The following MKRN1 variants were observed in gnomAD, a reference collection of about 807,000 sequenced individuals.
The protein encoded by MKRN1 is E3 ubiquitin-protein ligase makorin-1.
In MKRN1, 9 loss-of-function variants were observed where a neutral mutation model predicts 55.5. The ratio of observed to expected loss-of-function variants is 0.16; its 90% confidence interval spans 0.10 to 0.28. MKRN1 has a LOEUF of 0.28. Among genes scored for constraint, MKRN1 ranks in the 10% least tolerant of loss-of-function variants. MKRN1 has a pLI of 1.00. For synonymous variants in MKRN1, 253 were observed against 235.9 expected, an observed-to-expected ratio of 1.07 and a Z score of -0.66; for missense variants, 488 against 626.7, an observed-to-expected ratio of 0.78 and a Z score of 2.36.
At chr7:140,474,230 G>T (rs993006896) in intron 1 of MKRN1, among the ~76,000 whole-genome samples, 3 of 151,998 alleles carry the variant, frequency 2.0e-5, no homozygotes, top group Non-Finnish European at 2.9e-5. Flanking sequence ...AGGTGCGGTG[G>T]CTCACACCTG....
intron 2 of MKRN1, among the ~76,000 whole-genome samples, chr7:140,467,110 T>C (rs1461203039): frequency 1.3e-5 from 2 of 151,936 alleles, no homozygotes; most frequent in African/African-American, 2.4e-5. Context: ...CCAGAGTAGC[T>C]AGGATTACAG....
At chr7:140,469,724 C>A (rs1794867973) in intron 2 of MKRN1, among the ~76,000 whole-genome samples, 1 of 152,024 alleles carries the variant, frequency 6.6e-6, no homozygotes, top group South Asian at 2.1e-4. Context: ...ACCAGCCTGG[C>A]CAACATAGTG....
chr7:140,460,181 A>T, intron 2 of MKRN1: 1 of 393,934 alleles, frequency 2.5e-6, no homozygotes. Context: ...CAGGAGACAG[A>T]GGTTGTGGTG....
chr7:140,457,479 A>G (rs1463554579), intron 4 of MKRN1, among the ~76,000 whole-genome samples: 1 of 152,216 alleles, frequency 6.6e-6, no homozygotes, highest in East Asian at 1.9e-4. Context: ...GAAAACTCCC[A>G]GCACTTTGGA....
chr7:140,466,035 C>A (rs889095217), intron 2 of MKRN1, among the ~76,000 whole-genome samples: 3 of 151,984 alleles, frequency 2.0e-5, no homozygotes, highest in African/African-American at 4.8e-5. Context: ...GAGCCGAGAT[C>A]ACGCCACTGC....
chr7:140,475,281 T>G (rs1442250714), intron 1 of MKRN1: 2 of 426,578 alleles, frequency 4.7e-6, no homozygotes, highest in African/African-American at 2.1e-5. Context: ...AGGCAGAGGT[T>G]GTAGTGAGCC....
intron 2 of MKRN1, among the ~76,000 whole-genome samples, 186 bp downstream of exon 2, chr7:140,471,697 C>T (rs1051900065): frequency 6.6e-6 from 1 of 152,038 alleles, no homozygotes; most frequent in African/African-American, 2.4e-5. Flanking sequence ...CTCAAACTTC[C>T]AAGATCAAGC....
At chr7:140,477,858 G>C (rs1381242403) in intron 1 of MKRN1, among the ~76,000 whole-genome samples, 1 of 152,158 alleles carries the variant, frequency 6.6e-6, no homozygotes, top group African/African-American at 2.4e-5. Flanking sequence ...CAAATAATTT[G>C]CTCCATGAGT....
At chr7:140,459,270 GATAAGGC>G (rs767395132) in intron 3 of MKRN1, 37 bp from the exon 4 acceptor site, 4 of 1,594,402 alleles carry the variant, frequency 2.5e-6, no homozygotes, top group Non-Finnish European at 3.4e-6. Flanking sequence ...GGTCCAAATA[GATAAGGC>G]ATGAACTATA....
chr7:140,465,908 T>C (rs6964170), intron 2 of MKRN1, among the ~76,000 whole-genome samples: 39,417 of 151,862 alleles, frequency 0.26, 8,538 homozygotes, highest in African/African-American at 0.6. Flanking sequence ...GGTGAAACCC[T>C]GTCTTTACTA....
At chr7:140,472,660 T>A (rs1449416979) in intron 1 of MKRN1, among the ~76,000 whole-genome samples, 2 of 151,018 alleles carry the variant, frequency 1.3e-5, no homozygotes, top group African/African-American at 2.4e-5. Flanking sequence ...AGTGCTGAGA[T>A]TACAAGCGTG....
intron 2 of MKRN1, among the ~76,000 whole-genome samples, chr7:140,471,663 T>A (rs573319509): frequency 6.6e-6 from 1 of 152,182 alleles, no homozygotes; most frequent in African/African-American, 2.4e-5. Context: ...AGACATGAGG[T>A]CTCACTAGGT....
At chr7:140,461,375 G>A (rs534176511) in intron 2 of MKRN1, among the ~76,000 whole-genome samples, 78 of 152,252 alleles carry the variant, frequency 5.1e-4, no homozygotes, top group Non-Finnish European at 1.0e-3. Flanking sequence ...TGGTGCGGTG[G>A]CTCACACCTG....
intron 2 of MKRN1, among the ~76,000 whole-genome samples, chr7:140,466,826 A>AAG (rs1447954605): frequency 6.7e-6 from 1 of 150,206 alleles, no homozygotes; most frequent in East Asian, 1.9e-4. Flanking sequence ...AAAAAAAAAA[A>AAG]AAAAAAAGAA....
chr7:140,477,084 G>A (rs1185263674), intron 1 of MKRN1, among the ~76,000 whole-genome samples: 1 of 142,712 alleles, frequency 7.0e-6, no homozygotes, highest in Admixed American at 6.9e-5. Flanking sequence ...GGAAACAAGA[G>A]GGAAACTCTG....
At chr7:140,474,341 C>A in intron 1 of MKRN1, 1 of 219,918 alleles carries the variant, frequency 4.5e-6, no homozygotes, top group Non-Finnish European at 9.7e-6. Flanking sequence ...ACTAAAAATA[C>A]AAAAAAAACA....
At chr7:140,455,948 C>A in intron 5 of MKRN1, 48 bp from the exon 6 acceptor site, 2 of 1,499,254 alleles carry the variant, frequency 1.3e-6, no homozygotes, top group Non-Finnish European at 1.9e-6. Flanking sequence ...TTTTACAGGC[C>A]CACTCTTCAA....
chr7:140,465,740 A>G (rs916695387), intron 2 of MKRN1, among the ~76,000 whole-genome samples: 5 of 152,128 alleles, frequency 3.3e-5, no homozygotes, highest in Non-Finnish European at 7.4e-5. Flanking sequence ...GAAGAGGGAA[A>G]TCCCTGGGCT....
intron 1 of MKRN1, among the ~76,000 whole-genome samples, chr7:140,476,011 A>G (rs1160980994): frequency 6.6e-6 from 1 of 152,210 alleles, no homozygotes; most frequent in Admixed American, 6.5e-5. Flanking sequence ...GAAACATTAG[A>G]AAAAATGTAA....
Sources: allele counts gnomAD v4.1 joint callset (sites outside exome capture counted in the v4.1 genomes callset), GRCh38; gene constraint gnomAD v4.1.1; transcripts MANE v1.5; gene names NCBI Gene and HGNC (gene_info 2026-07-23, HGNC 2026-07-21).